Variants in PKIB observed in about 807,000 individuals in gnomAD.
PKIB encodes cAMP-dependent protein kinase inhibitor beta.
PKIB carries 2 observed loss-of-function variants against 4.5 expected under a neutral mutation model. The ratio of observed to expected loss-of-function variants is 0.44; its 90% CI spans 0.18 to 1.39. The LOEUF (loss-of-function observed/expected upper bound fraction) is 1.39, where lower values mean the gene tolerates loss of function less well. Ranked by LOEUF, PKIB falls within the 40% of genes most tolerant of loss-of-function variation. The probability of loss-of-function intolerance (pLI) is 0.27; values close to 1 mark genes in which losing one functional copy is unlikely to be tolerated. For missense variants in PKIB, 94 were observed against 92.6 expected, an observed-to-expected ratio of 1.02 and a Z score of -0.06; for synonymous variants, 38 against 36.0, an observed-to-expected ratio of 1.06 and a Z score of -0.20.
intron 2 of PKIB, among the ~76,000 whole-genome samples, chr6:122,571,905 T>C (rs1229161807): frequency 6.6e-6 from 1 of 152,162 alleles, no homozygotes; most frequent in Non-Finnish European, 1.5e-5. Context: ...AGGTTGAATG[T>C]AAATAGCCTA....
chr6:122,598,054 T>G (rs908531230), intron 3 of PKIB, among the ~76,000 whole-genome samples: 2 of 152,126 alleles, frequency 1.3e-5, no homozygotes, highest in African/African-American at 4.8e-5. Flanking sequence ...GAGGTCTCCT[T>G]GGGGAAGGAT....
intron 2 of PKIB, among the ~76,000 whole-genome samples, chr6:122,503,516 C>T (rs1776307939): frequency 1.3e-5 from 2 of 152,114 alleles, no homozygotes; most frequent in Admixed American, 6.6e-5. Context: ...TAAATGAGCT[C>T]TTCAGGATTA....
chr6:122,720,187 T>G (rs1463059156), intron 4 of PKIB, among the ~76,000 whole-genome samples: 2 of 152,144 alleles, frequency 1.3e-5, no homozygotes, highest in Non-Finnish European at 2.9e-5. Context: ...TTGTTTTTAT[T>G]TTTAATTTTT....
At chr6:122,549,588 T>G (rs1772608657) in intron 2 of PKIB, among the ~76,000 whole-genome samples, 1 of 152,118 alleles carries the variant, frequency 6.6e-6, no homozygotes, top group Admixed American at 6.6e-5. Flanking sequence ...GTTCAGTGAG[T>G]GTGAGAAGAA....
At chr6:122,546,419 G>A (rs1385275467) in intron 2 of PKIB, among the ~76,000 whole-genome samples, 1 of 151,808 alleles carries the variant, frequency 6.6e-6, no homozygotes, top group East Asian at 1.9e-4. Flanking sequence ...GTGGAGGTGC[G>A]GTTTGGAGCC....
intron 2 of PKIB, among the ~76,000 whole-genome samples, chr6:122,534,218 C>T (rs924560307): frequency 1.5e-4 from 22 of 150,652 alleles, no homozygotes; most frequent in Admixed American, 6.7e-5. Flanking sequence ...TACAATCACC[C>T]CAGTTATTGG....
intron 2 of PKIB, among the ~76,000 whole-genome samples, chr6:122,578,010 T>G (rs1036515985): frequency 3.9e-5 from 6 of 152,108 alleles, no homozygotes; most frequent in Non-Finnish European, 7.4e-5. Context: ...GTTTTTTTTT[T>G]GTAAAATTTA....
intron 2 of PKIB, among the ~76,000 whole-genome samples, chr6:122,659,882 A>G (rs561490143): frequency 2.6e-5 from 4 of 152,294 alleles, no homozygotes; most frequent in African/African-American, 9.6e-5. Flanking sequence ...AAAAATGGAA[A>G]AAAAACAAGG....
At chr6:122,589,098 G>A (rs1436067158) in intron 3 of PKIB, among the ~76,000 whole-genome samples, 1 of 152,042 alleles carries the variant, frequency 6.6e-6, no homozygotes, top group African/African-American at 2.4e-5. Context: ...CCACAACCTA[G>A]AAATTTTACT....
At chr6:122,685,669 C>T (rs992071520) in intron 3 of PKIB, among the ~76,000 whole-genome samples, 3 of 152,112 alleles carry the variant, frequency 2.0e-5, no homozygotes, top group African/African-American at 7.2e-5. Context: ...TCTGATTACA[C>T]TCTTTTAGTT....
chr6:122,579,113 A>G (rs1460766612), intron 2 of PKIB, among the ~76,000 whole-genome samples: 1 of 152,142 alleles, frequency 6.6e-6, no homozygotes, highest in Non-Finnish European at 1.5e-5. Context: ...CCCTGCTCCA[A>G]CCATTTTCAT....
intron 3 of PKIB, among the ~76,000 whole-genome samples, chr6:122,598,321 T>TA (rs754016019): frequency 6.0e-4 from 92 of 152,072 alleles, no homozygotes; most frequent in Non-Finnish European, 1.0e-3. Flanking sequence ...ACACTGTGAT[T>TA]AATTAGCCAA....
At chr6:122,534,731 C>G (rs1777356311) in intron 2 of PKIB, among the ~76,000 whole-genome samples, 1 of 152,044 alleles carries the variant, frequency 6.6e-6, no homozygotes, top group South Asian at 2.1e-4. Flanking sequence ...CTCAAGTGAT[C>G]CTCCCACTTC....
intron 3 of PKIB, among the ~76,000 whole-genome samples, chr6:122,690,342 T>C (rs1274549193): frequency 1.3e-5 from 2 of 152,090 alleles, no homozygotes; most frequent in African/African-American, 4.8e-5. Flanking sequence ...TGCGTTCCTT[T>C]TAGTGAAGAT....
At chr6:122,708,887 C>T (rs1165054837) in intron 3 of PKIB, among the ~76,000 whole-genome samples, 1 of 152,156 alleles carries the variant, frequency 6.6e-6, no homozygotes, top group African/African-American at 2.4e-5. Flanking sequence ...CCTGCCTCAG[C>T]CTCCCAAAAC....
intron 2 of PKIB, among the ~76,000 whole-genome samples, chr6:122,652,292 TTGTGTGTGTGTG>T (rs66695664): frequency 0.012 from 1,720 of 141,948 alleles, 11 homozygotes; most frequent in Non-Finnish European, 0.019. Flanking sequence ...ATATGTTGGT[TTGTGTGTGTGTG>T]TGTGTGTGTG....
chr6:122,702,750 T>C lies in PKIB; in HGVS notation c.-8-15037T>C, dbSNP rs561382597. On this transcript the variant is annotated intron_variant, in intron 3 of 4. Transcript: ENST00000368452. ...GATCAGAGTATAAAGAATTTAAATA[T>C]TGGAATTTTTCGTAGAGAATTTTTT... Among the ~76,000 whole-genome samples the C allele has an allele frequency of 3.3e-5, 5 of 152,256 alleles. No homozygotes were observed. The South Asian group carries it at 1.0e-3, about 32-fold the overall frequency.
intron 2 of PKIB, among the ~76,000 whole-genome samples, chr6:122,502,766 T>C (rs1026902379): frequency 1.3e-5 from 2 of 152,328 alleles, no homozygotes; most frequent in East Asian, 3.9e-4. Context: ...TCTAGATATT[T>C]TGGAGATGAA....
rs80262825 is a variant in PKIB, at chr6:122,618,759, A to G, written c.-161+8224A>G. On this transcript the variant is annotated intron_variant, in intron 1 of 4. Transcript: ENST00000368452. ...AATTCAGTTTTATAAACAATAGCAT[A>G]GTAGATAACTCTGTTCATAATTTTG... is the stretch of plus-strand genomic sequence containing the variant. 3.5e-3 allele frequency among the ~76,000 whole-genome samples: 535 copies of G among 152,232 alleles called. 2 individuals carry two copies. The highest frequency in any genetic ancestry group is 0.013 in the African/African-American group (522 of 41,568).
Sources: gnomAD v4.1 joint callset for allele counts (sites outside exome capture counted in the v4.1 genomes callset) on GRCh38, gnomAD v4.1.1 for gene constraint, MANE v1.5 for transcripts, NCBI Gene and HGNC (gene_info 2026-07-23, HGNC 2026-07-21) for gene names.